KCNH1: variants seen among roughly 807,000 people sequenced by gnomAD.
KCNH1 encodes potassium voltage-gated channel subfamily H member 1.
KCNH1 carries 27 observed loss-of-function variants against 69.2 expected under a neutral mutation model. The ratio of observed to expected loss-of-function variants is 0.39; its 90% CI spans 0.29 to 0.54. The LOEUF (loss-of-function observed/expected upper bound fraction) is 0.54, where lower values mean the gene tolerates loss of function less well. KCNH1 is among the 20% of genes least tolerant of loss of function. The pLI is 0.68. For missense variants in KCNH1, 798 were observed against 1,261.6 expected (o/e 0.63, Z 5.57); for synonymous variants, 456 against 487.7 (o/e 0.93, Z 0.86).
At chr1:211,005,581 C>G (rs150761175) in intron 6 of KCNH1, among the ~76,000 whole-genome samples, 2 of 152,202 alleles carry the variant, frequency 1.3e-5, no homozygotes, top group East Asian at 3.9e-4. Flanking sequence ...AACTTGATCT[C>G]TATTTCATAG....
At chr1:211,124,452 T>C (rs757607945) in intron 1 of KCNH1, among the ~76,000 whole-genome samples, 1 of 152,192 alleles carries the variant, frequency 6.6e-6, no homozygotes, top group African/African-American at 2.4e-5. Context: ...AAGACCATCC[T>C]GGCCAACACA....
chr1:210,862,240 TC>T, intron 7 of KCNH1: 1 of 1,119,018 alleles, frequency 8.9e-7, no homozygotes, highest in Non-Finnish European at 1.4e-6. Context: ...CAGGGCTGGG[TC>T]CATGGTGCCC....
At chr1:211,078,381 T>C (rs1690776968) in intron 5 of KCNH1, among the ~76,000 whole-genome samples, 1 of 152,178 alleles carries the variant, frequency 6.6e-6, no homozygotes, top group Admixed American at 6.5e-5. Context: ...AAAGCACTCC[T>C]CAGCAAATGT....
At chr1:210,907,743 T>TG (rs2102544835) in intron 7 of KCNH1, among the ~76,000 whole-genome samples, 1 of 151,718 alleles carries the variant, frequency 6.6e-6, no homozygotes, top group East Asian at 1.9e-4. Flanking sequence ...CCAGTGGGGG[T>TG]GGGGGTTCAC....
At chr1:210,975,085 A>G (rs941940142) in intron 6 of KCNH1, among the ~76,000 whole-genome samples, 73 of 152,176 alleles carry the variant, frequency 4.8e-4, no homozygotes, top group Non-Finnish European at 1.8e-4. Flanking sequence ...AATTTGAGTT[A>G]AAACTAATGT....
At chr1:211,074,097 T>TA (rs59971801) in intron 5 of KCNH1, among the ~76,000 whole-genome samples, 63,468 of 119,622 alleles carry the variant, frequency 0.53, 16,848 homozygotes, top group South Asian at 0.64. Flanking sequence ...TTCCACCAAT[T>TA]AAAAAAAAAA....
chr1:211,046,660 A>G (rs370678380), intron 5 of KCNH1, among the ~76,000 whole-genome samples: 1 of 152,192 alleles, frequency 6.6e-6, no homozygotes, highest in South Asian at 2.1e-4. Context: ...GTTTAACTCC[A>G]GGGTCCATGC....
At chr1:211,003,829 G>A (rs1413372519) in intron 6 of KCNH1, among the ~76,000 whole-genome samples, 1 of 152,026 alleles carries the variant, frequency 6.6e-6, no homozygotes, top group South Asian at 2.1e-4. Flanking sequence ...CAATTGGCCG[G>A]GTGCGGATAA....
At chr1:211,032,190 A>C (rs1483635472) in intron 5 of KCNH1, among the ~76,000 whole-genome samples, 1 of 152,194 alleles carries the variant, frequency 6.6e-6, no homozygotes, top group Non-Finnish European at 1.5e-5. Flanking sequence ...AATACCTAGG[A>C]ATACAACTTA....
chr1:210,718,217 T>TA (rs1432716668), intron 10 of KCNH1, among the ~76,000 whole-genome samples: 3 of 139,156 alleles, frequency 2.2e-5, no homozygotes, highest in East Asian at 2.0e-4. Context: ...GTAATCAGCA[T>TA]AAAAAATTAT....
chr1:210,788,369 G>A (rs1684142583), intron 9 of KCNH1, among the ~76,000 whole-genome samples: 3 of 151,978 alleles, frequency 2.0e-5, no homozygotes, highest in Non-Finnish European at 4.4e-5. Context: ...GAAACATTTT[G>A]CATGCCAGTA....
At chr1:210,886,109 C>T (rs1686600765) in intron 7 of KCNH1, among the ~76,000 whole-genome samples, 1 of 152,190 alleles carries the variant, frequency 6.6e-6, no homozygotes. Context: ...GGAGACACCT[C>T]CCAGCAGGGG....
chr1:210,687,510 C>T (rs78154051), intron 10 of KCNH1, among the ~76,000 whole-genome samples: 1 of 152,196 alleles, frequency 6.6e-6, no homozygotes, highest in African/African-American at 2.4e-5. Context: ...ACTGTCTCAA[C>T]CAATGGACAG....
intron 7 of KCNH1, among the ~76,000 whole-genome samples, chr1:210,847,914 C>T (rs1432258448): frequency 6.6e-6 from 1 of 151,914 alleles, no homozygotes; most frequent in African/African-American, 2.4e-5. Flanking sequence ...TCTAAGTGTG[C>T]AGGTCAGAGA....
At chr1:210,887,706 CA>C (rs1157167910) in intron 7 of KCNH1, among the ~76,000 whole-genome samples, 1 of 41,872 alleles carries the variant, frequency 2.4e-5, no homozygotes, top group East Asian at 9.7e-4. Flanking sequence ...GAATATTTAG[CA>C]AGAAAATGGA....
At chr1:211,088,777 C>T (rs1191956528) in intron 4 of KCNH1, among the ~76,000 whole-genome samples, 1 of 152,146 alleles carries the variant, frequency 6.6e-6, no homozygotes, top group East Asian at 1.9e-4. Flanking sequence ...ATCTGGTCCC[C>T]TCAGCTAAGA....
intron 10 of KCNH1, among the ~76,000 whole-genome samples, chr1:210,684,416 A>G (rs1246769123): frequency 6.6e-6 from 1 of 152,148 alleles, no homozygotes; most frequent in South Asian, 2.1e-4. Flanking sequence ...CCCTCTCCAC[A>G]TGCCAGGAGG....
At chr1:210,871,699 A>T (rs1280187397) in intron 7 of KCNH1, among the ~76,000 whole-genome samples, 1 of 151,970 alleles carries the variant, frequency 6.6e-6, no homozygotes, top group Non-Finnish European at 1.5e-5. Context: ...TGGCACATAT[A>T]CACCATGGAA....
At chr1:211,001,008 T>C (rs1262120792) in intron 6 of KCNH1, among the ~76,000 whole-genome samples, 2 of 152,006 alleles carry the variant, frequency 1.3e-5, no homozygotes, top group African/African-American at 4.8e-5. Flanking sequence ...ATATGAACAT[T>C]AATTCAAGAT....
Sources: allele counts gnomAD v4.1 joint callset (sites outside exome capture counted in the v4.1 genomes callset), GRCh38; gene constraint gnomAD v4.1.1; transcripts MANE v1.5; gene names NCBI Gene and HGNC (gene_info 2026-07-23, HGNC 2026-07-21).